PTPN2: variants seen among roughly 807,000 people sequenced by gnomAD.
PTPN2 encodes tyrosine-protein phosphatase non-receptor type 2.
PTPN2 carries 19 observed loss-of-function variants against 57.3 expected under a neutral mutation model. That is an observed-to-expected ratio of 0.33 (90% CI 0.23 to 0.49). The LOEUF (loss-of-function observed/expected upper bound fraction) is 0.49. PTPN2 is among the 20% of genes least tolerant of loss of function. PTPN2 has a pLI of 0.99. For missense variants in PTPN2, 358 were observed against 501.1 expected, an observed-to-expected ratio of 0.71 and a Z score of 2.73; for synonymous variants, 153 against 164.9, an observed-to-expected ratio of 0.93 and a Z score of 0.55.
At chr18:12,789,792 A>G (rs1265890098), downstream of PTPN2, among the ~76,000 whole-genome samples, 1 of 152,212 alleles carries the variant, frequency 6.6e-6, no homozygotes, top group Non-Finnish European at 1.5e-5. Flanking sequence ...ACATTTTTAA[A>G]AAACATATAT....
intron 4 of PTPN2, among the ~76,000 whole-genome samples, chr18:12,828,067 A>C (rs983117967): frequency 1.2e-4 from 19 of 152,182 alleles, no homozygotes; most frequent in Admixed American, 5.2e-4. Flanking sequence ...AGACTTATAA[A>C]GGAAATAAGA....
At chr18:12,846,094 A>G (rs2043196561) in intron 2 of PTPN2, among the ~76,000 whole-genome samples, 1 of 152,178 alleles carries the variant, frequency 6.6e-6, no homozygotes, top group Non-Finnish European at 1.5e-5. Context: ...TTCAGTTTGT[A>G]TATTTTTGGC....
chr18:12,800,921 T>C (rs1357663768), intron 8 of PTPN2, among the ~76,000 whole-genome samples: 1 of 152,244 alleles, frequency 6.6e-6, no homozygotes, highest in Non-Finnish European at 1.5e-5. Context: ...GCCACATTCA[T>C]ATGGATTTTT....
chr18:12,874,039 A>T (rs367998700), intron 1 of PTPN2, among the ~76,000 whole-genome samples: 4 of 132,088 alleles, frequency 3.0e-5, no homozygotes, highest in Non-Finnish European at 4.8e-5. Flanking sequence ...AAGTGAGGAG[A>T]CCCTCCGCCC....
intron 3 of PTPN2, among the ~76,000 whole-genome samples, chr18:12,835,057 T>C (rs571866831): frequency 1.2e-4 from 19 of 152,294 alleles, no homozygotes; most frequent in Non-Finnish European, 1.5e-5. Context: ...GAATACCGTA[T>C]TTCCGACCCG....
chr18:12,809,963 C>G (rs1172280769), intron 7 of PTPN2, among the ~76,000 whole-genome samples: 11 of 152,208 alleles, frequency 7.2e-5, no homozygotes, highest in Admixed American at 2.0e-4. Context: ...GGGCAGATCA[C>G]TTGAGGTCAG....
intron 1 of PTPN2, among the ~76,000 whole-genome samples, chr18:12,882,743 T>G (rs908778367): frequency 6.6e-6 from 1 of 152,210 alleles, no homozygotes; most frequent in Non-Finnish European, 1.5e-5. Flanking sequence ...TATTTATACT[T>G]CCCACTAATG....
chr18:12,877,907 G>A (rs780440654), intron 1 of PTPN2, among the ~76,000 whole-genome samples: 11 of 152,150 alleles, frequency 7.2e-5, no homozygotes, highest in Non-Finnish European at 1.2e-4. Flanking sequence ...GCGGGCGCCT[G>A]TAGTCCCAGC....
At chr18:12,834,130 CA>C (rs1448360286) in intron 3 of PTPN2, among the ~76,000 whole-genome samples, 2 of 152,060 alleles carry the variant, frequency 1.3e-5, no homozygotes, top group Non-Finnish European at 2.9e-5. Flanking sequence ...AGTTTGAGAC[CA>C]GCCTGAGCAA....
intron 1 of PTPN2, among the ~76,000 whole-genome samples, chr18:12,877,869 G>A (rs1187334601): frequency 6.6e-6 from 1 of 152,026 alleles, no homozygotes; most frequent in Admixed American, 6.6e-5. Flanking sequence ...AAATTAGCCT[G>A]GCGTGGTGGC....
chr18:12,811,120 CT>C (rs1157169367), intron 7 of PTPN2, among the ~76,000 whole-genome samples: 2 of 152,136 alleles, frequency 1.3e-5, no homozygotes. Flanking sequence ...TTATTACACC[CT>C]TTTTACGGAA....
intron 7 of PTPN2, among the ~76,000 whole-genome samples, chr18:12,810,872 G>A (rs2145290348): frequency 6.6e-6 from 1 of 152,292 alleles, no homozygotes; most frequent in African/African-American, 2.4e-5. Flanking sequence ...AAAGAATACT[G>A]TGCCAACAAT....
intron 1 of PTPN2, among the ~76,000 whole-genome samples, chr18:12,878,027 C>CA (rs1312791731): frequency 6.7e-6 from 1 of 150,154 alleles, no homozygotes; most frequent in Non-Finnish European, 1.5e-5. Flanking sequence ...AAGACTGTCT[C>CA]AAAAAAAGAA....
intron 5 of PTPN2, among the ~76,000 whole-genome samples, chr18:12,820,814 G>C (rs1466111188): frequency 6.6e-6 from 1 of 152,162 alleles, no homozygotes; most frequent in African/African-American, 2.4e-5. Context: ...ACTACATTCT[G>C]CACAAAATGT....
intron 5 of PTPN2, among the ~76,000 whole-genome samples, chr18:12,820,712 G>A (rs558269243): frequency 4.9e-4 from 75 of 152,020 alleles, no homozygotes; most frequent in African/African-American, 1.5e-3. Context: ...CTACACACAC[G>A]CGGGTTGCAC....
chr18:12,840,363 C>G (rs887097426), intron 2 of PTPN2, among the ~76,000 whole-genome samples: 7 of 152,236 alleles, frequency 4.6e-5, no homozygotes, highest in Admixed American at 4.6e-4. Context: ...GCACTAAACA[C>G]CAGGTCACCA....
At chr18:12,835,770 T>C (rs1457828676) in intron 3 of PTPN2, among the ~76,000 whole-genome samples, 1 of 152,176 alleles carries the variant, frequency 6.6e-6, no homozygotes, top group African/African-American at 2.4e-5. Context: ...CACTTTGAAA[T>C]CTCTCCTTTT....
At chr18:12,836,972 TAA>T (rs918828066) in intron 2 of PTPN2, 81 bp from the exon 3 acceptor site, 10 of 833,868 alleles carry the variant, frequency 1.2e-5, no homozygotes, top group Non-Finnish European at 1.5e-5. Context: ...TAGGTATTTA[TAA>T]AAAGACAGAA....
intron 1 of PTPN2, among the ~76,000 whole-genome samples, chr18:12,871,683 T>C (rs776408717): frequency 5.3e-5 from 8 of 152,170 alleles, no homozygotes; most frequent in Non-Finnish European, 8.8e-5. Flanking sequence ...TTTTCTCCAT[T>C]GTTTTCTTAT....
Sources: allele counts gnomAD v4.1 joint callset (sites outside exome capture counted in the v4.1 genomes callset), GRCh38; gene constraint gnomAD v4.1.1; transcripts MANE v1.5; gene names NCBI Gene and HGNC (gene_info 2026-07-23, HGNC 2026-07-21).